The following MYT1L variants were observed in gnomAD, a reference collection of about 807,000 sequenced individuals.
MYT1L encodes myelin transcription factor 1-like protein.
Under a neutral mutation model 126.7 loss-of-function variants are expected in MYT1L, and 12 were observed. The ratio of observed to expected loss-of-function variants is 0.09; its 90% CI spans 0.06 to 0.15. The LOEUF (loss-of-function observed/expected upper bound fraction) is 0.15, where lower values mean the gene tolerates loss of function less well. Among genes scored for constraint, MYT1L ranks in the 10% least tolerant of loss-of-function variants. The pLI is 1.00. For synonymous variants in MYT1L, 541 were observed against 604.2 expected, an observed-to-expected ratio of 0.90 and a Z score of 1.53; for missense variants, 979 against 1,585.2, an observed-to-expected ratio of 0.62 and a Z score of 6.49.
chr2:1,813,082 C>G (rs1042865879), intron 21 of MYT1L, among the ~76,000 whole-genome samples: 2 of 152,114 alleles, frequency 1.3e-5, no homozygotes, highest in African/African-American at 2.4e-5. Flanking sequence ...ATCTTTCCCC[C>G]GCTGAACCTC....
intron 1 of MYT1L, among the ~76,000 whole-genome samples, chr2:2,300,225 T>A (rs1243068894): frequency 6.6e-6 from 1 of 152,230 alleles, no homozygotes; most frequent in Non-Finnish European, 1.5e-5. Flanking sequence ...TGAAAACACA[T>A]ATAATTGGAT....
At chr2:1,824,420 T>C (rs568692501) in intron 21 of MYT1L, 1 of 152,270 alleles carries the variant, frequency 6.6e-6, no homozygotes, top group African/African-American at 2.4e-5. Context: ...CCAGAACATG[T>C]CTGACGTCAG....
chr2:2,252,530 G>A (rs1203069059), intron 2 of MYT1L, among the ~76,000 whole-genome samples: 2 of 152,312 alleles, frequency 1.3e-5, no homozygotes, highest in East Asian at 3.9e-4. Flanking sequence ...AACTGCTCTT[G>A]CATACAGCAG....
Position 1,851,627 on chromosome 2 carries a change from G to A in MYT1L, c.2774+14C>T. On this transcript the variant is annotated intron_variant, in intron 19 of 24. Transcript: ENST00000647738. ...AAAGAGCATTTTGGAGAGAAGAGTA[G>A]CATCTCTACATACCTCCGATGAGAA... 2 of 1,609,704 alleles carry A rather than the reference G, an allele frequency of 1.2e-6. No homozygotes were observed. The highest frequency in any genetic ancestry group is 2.7e-5 in the African/African-American group (2 of 74,974).
intron 18 of MYT1L, among the ~76,000 whole-genome samples, chr2:1,857,155 G>A (rs772035091): frequency 6.6e-6 from 1 of 152,204 alleles, no homozygotes; most frequent in African/African-American, 2.4e-5. Flanking sequence ...CTCCCAGCGT[G>A]ACTCAGCATC....
At chr2:1,867,484 T>G (rs1328517425) in intron 18 of MYT1L, among the ~76,000 whole-genome samples, 1 of 152,132 alleles carries the variant, frequency 6.6e-6, no homozygotes, top group Non-Finnish European at 1.5e-5. Flanking sequence ...GAATCCAAAG[T>G]CCTCAACTTC....
rs372874801 is a variant in MYT1L, at chr2:2,229,405, G to C, written c.-421+54999C>G. 3.3e-5 allele frequency among the ~76,000 whole-genome samples: 5 copies of C among 151,980 alleles called. No individual in the cohort carries two copies. The East Asian group carries it at 7.8e-4, about 24-fold the overall frequency. On this transcript the variant is annotated intron_variant, in intron 2 of 24. Transcript: ENST00000647738. ...TGAGCATCCCTAGCCACATATTCTT[G>C]AACACTTATAAAGATAGTCTCATAG...
intron 9 of MYT1L, among the ~76,000 whole-genome samples, chr2:1,926,997 G>A (rs949632956): frequency 6.6e-6 from 1 of 152,240 alleles, no homozygotes; most frequent in African/African-American, 2.4e-5. Flanking sequence ...GAAGAACAAA[G>A]CATTCTCAGC....
intron 22 of MYT1L, among the ~76,000 whole-genome samples, chr2:1,803,461 T>C (rs1214164426): frequency 6.6e-6 from 1 of 152,216 alleles, no homozygotes; most frequent in African/African-American, 2.4e-5. Context: ...TCATGATAAA[T>C]GTCAAACTAA....
chr2:2,283,101 A>T (rs2095472804), intron 2 of MYT1L, among the ~76,000 whole-genome samples: 1 of 152,178 alleles, frequency 6.6e-6, no homozygotes, highest in Non-Finnish European at 1.5e-5. Context: ...AGTTCTTCAT[A>T]CAGAAAGATA....
chr2:1,902,811 C>T (rs534518857), intron 14 of MYT1L: 1 of 466,364 alleles, frequency 2.1e-6, no homozygotes, highest in African/African-American at 2.0e-5. Context: ...CATAGCTTCT[C>T]CCTCTCCACA....
chr2:1,998,056 G>T (rs2149620215), intron 4 of MYT1L, among the ~76,000 whole-genome samples: 1 of 152,278 alleles, frequency 6.6e-6, no homozygotes. Flanking sequence ...ATGAATTAAG[G>T]CCTGTCCCTA....
Position 1,979,570 on chromosome 2 carries a change from AATAG to A in MYT1L, c.56-20_56-17del. 10 of 1,613,318 alleles carry A rather than the reference AATAG, an allele frequency of 6.2e-6. No homozygotes were observed. The highest frequency in any genetic ancestry group is 8.5e-6 in the Non-Finnish European group (10 of 1,179,246). On this transcript the variant is annotated splice_polypyrimidine_tract_variant and intron_variant, in intron 6 of 24. Coordinates refer to ENST00000647738, the MANE Select transcript of MYT1L (RefSeq NM_001303052.2). The surrounding 1 kb of genome is among the most constrained non-coding windows in gnomAD (Gnocchi z 4.0). ...TCCACGGGAACTGCAGAGAGATGGA[AATAG>A]ATAAAAATTTACCATCTATCACAAG...
rs2048973868 is a variant in MYT1L at position 1,892,199 on chromosome 2, C to A, written c.2121G>T (p.Gly707=). ...PSSSSNLSCG[G]GSSASSTCSK... ...TGCACGTGCTGCTGGCGCTGCTGCC[C>A]CCGCCGCAGCTCAGGTTGCTGCTGC... The change falls in exon 15 of 25, where the codon GGG becomes GGT. Residue 707 remains glycine (G), a synonymous_variant. Coordinates refer to ENST00000647738, the MANE Select transcript of MYT1L (RefSeq NM_001303052.2). 4.5e-6 allele frequency: 7 copies of A among 1,549,718 alleles called. No homozygotes were observed. In the South Asian group the frequency reaches 7.1e-5, roughly 16 times the overall value.
chr2:2,187,847 T>A (rs1034369674), intron 2 of MYT1L, among the ~76,000 whole-genome samples: 2 of 152,144 alleles, frequency 1.3e-5, no homozygotes, highest in African/African-American at 2.4e-5. Flanking sequence ...TTTGTTCTTA[T>A]CCCCAATTCT....
intron 2 of MYT1L, among the ~76,000 whole-genome samples, chr2:2,173,588 A>G (rs568304193): frequency 4.6e-5 from 7 of 152,202 alleles, no homozygotes; most frequent in Non-Finnish European, 1.0e-4. Flanking sequence ...GACTGTTTTA[A>G]TTTGAAGAAG....
intron 10 of MYT1L, among the ~76,000 whole-genome samples, chr2:1,920,976 C>A (rs755337268): frequency 3.5e-4 from 53 of 152,366 alleles, no homozygotes; most frequent in Non-Finnish European, 7.1e-4. Context: ...GCTAAGGTAC[C>A]TCTACAGTTT....
chr2:2,330,700 C>G (rs2096279542), intron 1 of MYT1L, among the ~76,000 whole-genome samples: 2 of 152,172 alleles, frequency 1.3e-5, no homozygotes, highest in Non-Finnish European at 2.9e-5. Flanking sequence ...ACCATACATG[C>G]ACCCCGTTTT....
At chr2:2,167,333 G>T (rs17338519) in intron 3 of MYT1L, among the ~76,000 whole-genome samples, 18,939 of 149,674 alleles carry the variant, frequency 0.13, 1,256 homozygotes, top group African/African-American at 0.19. Context: ...AATCCCACCT[G>T]GATCTGCACA....
Sources: allele counts gnomAD v4.1 joint callset (sites outside exome capture counted in the v4.1 genomes callset), GRCh38; gene constraint gnomAD v4.1.1; non-coding constraint Gnocchi (gnomAD v3.1); transcripts MANE v1.5; gene names NCBI Gene and HGNC (gene_info 2026-07-23, HGNC 2026-07-21).